CADM2: variants seen among roughly 807,000 people sequenced by gnomAD.
The protein encoded by CADM2 is cell adhesion molecule 2, also known as immunoglobulin superfamily member 4D.
CADM2 carries 12 observed loss-of-function variants against 49.8 expected under a neutral mutation model. The observed-to-expected ratio is 0.24, with a 90% CI of 0.15 to 0.39. CADM2 has a LOEUF of 0.39. CADM2 is among the 10% of genes least tolerant of loss of function. CADM2 has a pLI of 1.00. For synonymous variants in CADM2, 214 were observed against 175.4 expected (o/e 1.22, Z -1.74); for missense variants, 378 against 492.3 (o/e 0.77, Z 2.20).
chr3:85,953,229 A>G (rs945841013), intron 7 of CADM2, among the ~76,000 whole-genome samples: 6 of 151,018 alleles, frequency 4.0e-5, no homozygotes, highest in African/African-American at 1.5e-4. Context: ...ACTTATAAGC[A>G]TACTTGTTCT....
At chr3:85,784,491 A>G (rs938305878) in intron 2 of CADM2, among the ~76,000 whole-genome samples, 5 of 151,906 alleles carry the variant, frequency 3.3e-5, no homozygotes, top group African/African-American at 1.2e-4. Flanking sequence ...TATTAATATG[A>G]CAGTGTAGCT....
intron 5 of CADM2, among the ~76,000 whole-genome samples, chr3:85,896,673 C>T (rs1157401383): frequency 6.6e-6 from 1 of 152,180 alleles, no homozygotes; most frequent in Non-Finnish European, 1.5e-5. Flanking sequence ...GGCCATTAAG[C>T]TCGAATTGAC....
chr3:85,962,892 T>G (rs1176583618), intron 8 of CADM2, among the ~76,000 whole-genome samples: 1 of 151,944 alleles, frequency 6.6e-6, no homozygotes, highest in Non-Finnish European at 1.5e-5. Context: ...GGACAAAATA[T>G]GTTTATTTGA....
At chr3:85,848,033 A>T (rs1204614437) in intron 3 of CADM2, among the ~76,000 whole-genome samples, 2 of 151,968 alleles carry the variant, frequency 1.3e-5, no homozygotes, top group East Asian at 3.9e-4. Context: ...TTATCATTCG[A>T]TAGTCAATTT....
At chr3:85,802,819 G>A (rs2072136088) in intron 3 of CADM2, among the ~76,000 whole-genome samples, 1 of 151,866 alleles carries the variant, frequency 6.6e-6, no homozygotes, top group African/African-American at 2.4e-5. Flanking sequence ...CGTAATCCAA[G>A]CAAACAACTA....
At chr3:85,669,611 C>T (rs953719092) in intron 1 of CADM2, among the ~76,000 whole-genome samples, 1 of 151,998 alleles carries the variant, frequency 6.6e-6, no homozygotes. Flanking sequence ...AGAGCACTTT[C>T]AAAGAAACAG....
At chr3:85,504,762 G>C (rs1456756059) in intron 1 of CADM2, among the ~76,000 whole-genome samples, 4 of 152,202 alleles carry the variant, frequency 2.6e-5, no homozygotes, top group African/African-American at 9.6e-5. Context: ...CCGCACAGGA[G>C]CCCACGGAGG....
intron 1 of CADM2, among the ~76,000 whole-genome samples, chr3:85,333,454 A>G (rs1024396542): frequency 2.4e-4 from 36 of 151,860 alleles, no homozygotes; most frequent in African/African-American, 6.3e-4. Context: ...CTTTTTAGTG[A>G]TAAAATTCAC....
Position 85,027,109 on chromosome 3 carries a change from C to CTTTTTTTT in CADM2, c.61+67457_61+67464dup, listed in dbSNP as rs1160735135. Among the ~76,000 whole-genome samples the CTTTTTTTT allele has an allele frequency of 6.7e-3, 371 of 55,678 alleles. 85 individuals carry two copies. Among genetic ancestry groups the CTTTTTTTT allele is most frequent in the African/African-American group, 0.026 (268 of 10,264 alleles). The allele number at this position is 55,678 out of a possible 152,430, so 36.5% of individuals were successfully genotyped here. On this transcript the variant is annotated intron_variant, in intron 1 of 9. Transcript: ENST00000383699. ...TGGTTGTTGTTGCTTTTTCTTTTTCCTTTTTTTTTTTTTTTTTTTTTTTAA... is the reference window on the plus strand; with the variant it reads ...TGGTTGTTGTTGCTTTTTCTTTTTCCTTTTTTTTTTTTTTTTTTTTTTTTTTTTTTTAA...
chr3:85,708,292 G>C (rs1281044870), intron 1 of CADM2, among the ~76,000 whole-genome samples: 1 of 151,786 alleles, frequency 6.6e-6, no homozygotes, highest in Non-Finnish European at 1.5e-5. Flanking sequence ...ATTTAATCTA[G>C]ATACAGGTAC....
chr3:85,525,256 A>G (rs2061136273), intron 1 of CADM2, among the ~76,000 whole-genome samples: 1 of 152,230 alleles, frequency 6.6e-6, no homozygotes. Flanking sequence ...TGTATTCAGC[A>G]TCCAATTTCT....
At chr3:85,821,641 C>A (rs1436027008) in intron 3 of CADM2, among the ~76,000 whole-genome samples, 1 of 152,040 alleles carries the variant, frequency 6.6e-6, no homozygotes, top group Non-Finnish European at 1.5e-5. Flanking sequence ...TTCTATGCAA[C>A]AAGCATTTTT....
chr3:85,769,703 T>C (rs2069970413), intron 2 of CADM2, among the ~76,000 whole-genome samples: 2 of 144,262 alleles, frequency 1.4e-5, no homozygotes, highest in Non-Finnish European at 3.0e-5. Flanking sequence ...TTGTTCTATA[T>C]ATTTTGCATA....
At chr3:85,509,313 C>A (rs910676704) in intron 1 of CADM2, among the ~76,000 whole-genome samples, 1 of 152,080 alleles carries the variant, frequency 6.6e-6, no homozygotes, top group African/African-American at 2.4e-5. Context: ...TATTTTGACA[C>A]AGGGTTTCTA....
chr3:85,768,104 A>G (rs1234641212), intron 2 of CADM2, among the ~76,000 whole-genome samples: 3 of 152,142 alleles, frequency 2.0e-5, no homozygotes, highest in Non-Finnish European at 4.4e-5. Flanking sequence ...TTCCTTTACC[A>G]TAAGTTCATT....
At chr3:85,962,909 T>A (rs1215644876) in intron 8 of CADM2, among the ~76,000 whole-genome samples, 1 of 151,960 alleles carries the variant, frequency 6.6e-6, no homozygotes, top group Non-Finnish European at 1.5e-5. Context: ...TTGATATCTT[T>A]CCCTTGAATG....
At chr3:85,693,645 T>C (rs1043420949) in intron 1 of CADM2, among the ~76,000 whole-genome samples, 1 of 143,686 alleles carries the variant, frequency 7.0e-6, no homozygotes, top group African/African-American at 2.6e-5. Context: ...CCCAGCACTT[T>C]GGGATGCCGA....
chr3:86,066,317 A>G (rs1216093752), intron 9 of CADM2, among the ~76,000 whole-genome samples: 1 of 123,580 alleles, frequency 8.1e-6, no homozygotes, highest in Non-Finnish European at 1.6e-5. Flanking sequence ...TGGGCGAGAG[A>G]GCGAGACTCC....
At chr3:85,477,243 A>AACACACACACAC (rs139955724) in intron 1 of CADM2, among the ~76,000 whole-genome samples, 4,269 of 144,746 alleles carry the variant, frequency 0.029, 98 homozygotes, top group African/African-American at 0.067. Context: ...GATTCCCTTA[A>AACACACACACAC]ACACACACAC....
Sources: allele counts gnomAD v4.1 joint callset (sites outside exome capture counted in the v4.1 genomes callset), GRCh38; gene constraint gnomAD v4.1.1; transcripts MANE v1.5; gene names NCBI Gene and HGNC (gene_info 2026-07-23, HGNC 2026-07-21).